The following SVBP variants were observed in gnomAD, a reference collection of about 807,000 sequenced individuals.
SVBP encodes small vasohibin-binding protein.
A neutral mutation model predicts 9.2 loss-of-function variants in SVBP; 9 were observed. The observed-to-expected ratio is 0.98, with a 90% CI of 0.59 to 1.71. SVBP has a LOEUF of 1.71. Ranked by LOEUF, SVBP falls within the 40% of genes most tolerant of loss-of-function variation. SVBP has a pLI of 0.00. For synonymous variants in SVBP, 27 were observed against 23.9 expected, an observed-to-expected ratio of 1.13 and a Z score of -0.37; for missense variants, 63 against 73.2, an observed-to-expected ratio of 0.86 and a Z score of 0.51.
At chr1:42,808,143 G>GTATATA (rs1344012080) in intron 2 of SVBP, among the ~76,000 whole-genome samples, 165 of 44,490 alleles carry the variant, frequency 3.7e-3, no homozygotes, top group African/African-American at 7.3e-3. Flanking sequence ...TAGTGTGTGT[G>GTATATA]TGTGTGTATA....
At chr1:42,814,918 C>A (rs933613498) in intron 2 of SVBP, among the ~76,000 whole-genome samples, 1 of 152,056 alleles carries the variant, frequency 6.6e-6, no homozygotes, top group African/African-American at 2.4e-5. Flanking sequence ...CACATGCACA[C>A]GTATGTTTAT....
chr1:42,816,578 G>T lies in SVBP; in HGVS notation c.-34C>A, dbSNP rs766628194. ...TTCTGGATATTTCTTAGGAGGCTCT[G>T]ATCTGGGTGGTACAGAAAGAGGCAG... On this transcript the variant is annotated splice_region_variant and 5_prime_UTR_variant, in exon 2 of 3. Coordinates refer to ENST00000372521, the MANE Select transcript of SVBP (RefSeq NM_199342.4). 5 of 1,433,116 alleles carry T rather than the reference G, an allele frequency of 3.5e-6. No individual in the cohort carries two copies. The highest frequency in any genetic ancestry group is 4.9e-6 in the Non-Finnish European group (5 of 1,016,708). The allele number at this position is 1,433,116 out of a possible 1,614,324, so 88.8% of individuals were successfully genotyped here.
At chr1:42,816,643 T>G in intron 1 of SVBP, 63 bp from the exon 2 acceptor site, 1 of 825,304 alleles carries the variant, frequency 1.2e-6, no homozygotes, top group African/African-American at 1.7e-5. Flanking sequence ...CCCTGCCAGT[T>G]ACTCCTCTAA....
intron 2 of SVBP, chr1:42,813,713 G>C: frequency 1.9e-6 from 1 of 532,352 alleles, no homozygotes; most frequent in South Asian, 1.4e-5. Context: ...TCCAGTGAGA[G>C]CTCCCTTGGC....
intron 2 of SVBP, among the ~76,000 whole-genome samples, chr1:42,807,935 G>C (rs1373275944): frequency 6.6e-6 from 1 of 151,840 alleles, no homozygotes; most frequent in African/African-American, 2.4e-5. Flanking sequence ...GTAAATAAAT[G>C]TAATGGAAAA....
intron 1 of SVBP, 28 bp from the exon 2 acceptor site, chr1:42,816,608 T>TCAAAA (rs1304874499): frequency 1.4e-5 from 17 of 1,181,950 alleles, no homozygotes; most frequent in Middle Eastern, 1.9e-4. Flanking sequence ...AGGCAGATCT[T>TCAAAA]CAAAACAAAA....
At chr1:42,815,821 T>G (rs994369558) in intron 2 of SVBP, among the ~76,000 whole-genome samples, 1 of 152,042 alleles carries the variant, frequency 6.6e-6, no homozygotes, top group African/African-American at 2.4e-5. Context: ...TAGTTGTCCA[T>G]GGAGAAGTAA....
chr1:42,809,097 A>G (rs1654027933), intron 2 of SVBP: 1 of 152,252 alleles, frequency 6.6e-6, no homozygotes, highest in Admixed American at 6.5e-5. Flanking sequence ...GTGGTGATGG[A>G]AAGAAGATGG....
intron 2 of SVBP, among the ~76,000 whole-genome samples, chr1:42,810,125 T>TACAC (rs60221264): frequency 3.5e-3 from 498 of 141,018 alleles, no homozygotes; most frequent in African/African-American, 0.012. Flanking sequence ...CATACATACA[T>TACAC]ACACACACAC....
At chr1:42,814,247 AT>A (rs1181817226) in intron 2 of SVBP, among the ~76,000 whole-genome samples, 7 of 147,212 alleles carry the variant, frequency 4.8e-5, no homozygotes, top group Non-Finnish European at 6.0e-5. Flanking sequence ...CGCCCAGCTA[AT>A]TTTTTTTTTA....
At chr1:42,813,508 C>G (rs2124250561) in intron 2 of SVBP, 2 of 542,714 alleles carry the variant, frequency 3.7e-6, no homozygotes, top group South Asian at 2.8e-5. Context: ...TGGTTTCGAT[C>G]CAATGGGTAA....
intron 2 of SVBP, chr1:42,809,268 G>C (rs934163882): frequency 3.3e-5 from 5 of 152,056 alleles, no homozygotes; most frequent in African/African-American, 1.2e-4. Flanking sequence ...GTGTGTAGAG[G>C]AGCTATAACT....
At chr1:42,816,638 C>A in intron 1 of SVBP, 58 bp from the exon 2 acceptor site, 2 of 844,188 alleles carry the variant, frequency 2.4e-6, no homozygotes, top group South Asian at 1.5e-5. Flanking sequence ...AAATACCCTG[C>A]CAGTTACTCC....
At chr1:42,808,738 C>T (rs1185236358) in intron 2 of SVBP, among the ~76,000 whole-genome samples, 1 of 151,638 alleles carries the variant, frequency 6.6e-6, no homozygotes, top group East Asian at 1.9e-4. Context: ...GCTGTGTTGT[C>T]CAGGCTGGAT....
intron 1 of SVBP, 199 bp downstream of exon 1, chr1:42,816,991 C>T (rs1164314364): frequency 4.2e-6 from 1 of 240,104 alleles, no homozygotes; most frequent in Non-Finnish European, 6.7e-6. Context: ...GCCGGCCTAA[C>T]TCCGCCGCAG....
intron 2 of SVBP, chr1:42,808,998 T>G (rs1454089460): frequency 3.9e-5 from 6 of 152,282 alleles, no homozygotes; most frequent in Admixed American, 3.9e-4. Flanking sequence ...TGCCCAGCCA[T>G]AAGCAACGTT....
At chr1:42,813,518 A>T (rs774175471) in intron 2 of SVBP, 3 of 536,216 alleles carry the variant, frequency 5.6e-6, no homozygotes, top group Non-Finnish European at 1.1e-5. Flanking sequence ...CCAATGGGTA[A>T]ATTTATAATT....
intron 2 of SVBP, chr1:42,813,622 G>A: frequency 1.9e-6 from 1 of 529,894 alleles, no homozygotes; most frequent in East Asian, 5.4e-5. Flanking sequence ...ATTGGTGTGA[G>A]GTAACCACAT....
In SVBP at chr1:42,807,151, GTGTT is replaced by G. The variant is rs1557596914; in HGVS notation, c.*259_*262del. The G allele has an allele frequency of 1.6e-5, 4 of 255,714 alleles. No individual in the cohort carries two copies. Among genetic ancestry groups the G allele is most frequent in the African/African-American group, 3.0e-5 (1 of 33,140 alleles). 15.8% of individuals were successfully genotyped at this position (255,714 alleles called of 1,614,324 possible). Reference sequence around the variant, plus strand: ...ACAATAGAAAAAGTGTTTTTTGTGTGTGTTTTTTTTTTTTTTTTAAAAAAACCCA... The same window carrying G: ...ACAATAGAAAAAGTGTTTTTTGTGTGTTTTTTTTTTTTTTAAAAAAACCCA... On this transcript the variant is annotated 3_prime_UTR_variant, in exon 3 of 3. Transcript: ENST00000372521.
Sources: gnomAD v4.1 joint callset for allele counts (sites outside exome capture counted in the v4.1 genomes callset) on GRCh38, gnomAD v4.1.1 for gene constraint, MANE v1.5 for transcripts, NCBI Gene and HGNC (gene_info 2026-07-23, HGNC 2026-07-21) for gene names.